BTBD8: variants seen among roughly 807,000 people sequenced by gnomAD.
BTBD8 encodes the protein BTB/POZ domain-containing protein 8.
A neutral mutation model predicts 162.9 loss-of-function variants in BTBD8; 110 were observed. The observed-to-expected ratio is 0.68, with a 90% CI of 0.58 to 0.79. BTBD8 has a LOEUF of 0.79. BTBD8 is among the 30% of genes least tolerant of loss of function. The probability of loss-of-function intolerance (pLI) is 0.00; values close to 1 mark genes in which losing one functional copy is unlikely to be tolerated. For synonymous variants in BTBD8, 667 were observed against 716.1 expected, an observed-to-expected ratio of 0.93 and a Z score of 1.10; for missense variants, 1,905 against 2,085.4, an observed-to-expected ratio of 0.91 and a Z score of 1.68.
Position 92,181,624 on chromosome 1 carries a change from A to G in BTBD8, c.3941A>G (p.Asp1314Gly). The change falls in exon 17 of 18, where the codon GAT becomes GGT. Residue 1314 changes from aspartate to glycine, a missense_variant. Asp to Gly is a moderately conservative substitution (Grantham distance 94, BLOSUM62 -1). This residue lies in a region of BTBD8 where 517 missense variants were observed against 606.6 expected (regional missense o/e 0.85). Transcript: ENST00000636805. ...TSTPEELKIY[D>G]SNLRIEVKMK... ...ACTCCTGAAGAATTAAAAATTTATG[A>G]TAGTAATTTAAGAATTGAAGTAAAA... 1.3e-6 allele frequency: 2 copies of G among 1,550,678 alleles called. No homozygotes were observed. Among genetic ancestry groups the G allele is most frequent in the Non-Finnish European group, 1.7e-6 (2 of 1,146,340 alleles).
chr1:92,117,608 A>G (rs1310890036), intron 4 of BTBD8, among the ~76,000 whole-genome samples: 3 of 152,094 alleles, frequency 2.0e-5, no homozygotes, highest in South Asian at 2.1e-4. Context: ...TACCTTATGC[A>G]CACTCAAATT....
At position 92,184,529 on chromosome 1, in the gene BTBD8, T is replaced by TAGAGA; in HGVS notation, c.*200_*201insGAGAA. The TAGAGA allele has an allele frequency of 2.5e-6, 1 of 405,804 alleles. No individual in the cohort carries two copies. Among genetic ancestry groups the TAGAGA allele is most frequent in the South Asian group, 6.0e-5 (1 of 16,576 alleles). The allele number at this position is 405,804 out of a possible 1,614,324, so 25.1% of individuals were successfully genotyped here. A position where few individuals can be genotyped will look rare whatever the true frequency, so the allele number is the denominator to read the frequency against. ...CTAAAGTTTTTGAGCATGTTTTCTC[T>TAGAGA]AATTATTAGAGAAATTAGAAGACTT... is the stretch of plus-strand genomic sequence containing the variant. On this transcript the variant is annotated 3_prime_UTR_variant, in exon 18 of 18. Coordinates refer to ENST00000636805, the MANE Select transcript of BTBD8 (RefSeq NM_001376131.1).
chr1:92,120,122 T>G (rs1320207097), intron 4 of BTBD8, among the ~76,000 whole-genome samples: 4 of 151,930 alleles, frequency 2.6e-5, no homozygotes, highest in African/African-American at 9.7e-5. Flanking sequence ...GAACTCCTGA[T>G]CTCAAGTGAT....
intron 9 of BTBD8, among the ~76,000 whole-genome samples, chr1:92,150,330 CAAGAT>C (rs1650017260): frequency 6.6e-6 from 1 of 151,944 alleles, no homozygotes. Context: ...TTAATAAAAA[CAAGAT>C]AAGTACCCAG....
intron 3 of BTBD8, among the ~76,000 whole-genome samples, chr1:92,103,191 C>T (rs142257765): frequency 1.8e-4 from 27 of 152,206 alleles, no homozygotes; most frequent in African/African-American, 6.0e-4. Flanking sequence ...TGATGGAACT[C>T]ATTTTTTCAA....
In BTBD8 at chr1:92,124,418, T is replaced by G. The variant is rs765874035; in HGVS notation, c.663-5269T>G. Among the ~76,000 whole-genome samples the G allele has an allele frequency of 5.3e-4, 81 of 152,330 alleles. 1 individual carries two copies. Among genetic ancestry groups the G allele is most frequent in the Non-Finnish European group, 8.8e-4 (60 of 68,034 alleles). The stretch of plus-strand genomic sequence containing the variant: ...TTCATTGGAATATAATATTGTTCCG[T>G]GTATCTCATTTACTGCTGTACTCCC... On this transcript the variant is annotated intron_variant, in intron 4 of 17. Coordinates refer to ENST00000636805, the MANE Select transcript of BTBD8 (RefSeq NM_001376131.1).
intron 4 of BTBD8, among the ~76,000 whole-genome samples, chr1:92,122,147 T>C (rs1649226657): frequency 6.6e-6 from 1 of 152,224 alleles, no homozygotes; most frequent in Non-Finnish European, 1.5e-5. Context: ...GTATCAGTGA[T>C]TGATTCAATT....
chr1:92,163,357 A>C (rs1650312249), intron 9 of BTBD8, among the ~76,000 whole-genome samples: 2 of 68,436 alleles, frequency 2.9e-5, no homozygotes, highest in East Asian at 1.4e-3. Context: ...TCTGTCTCAA[A>C]AAAAAAAAAA....
intron 12 of BTBD8, among the ~76,000 whole-genome samples, chr1:92,169,878 G>C (rs1008637863): frequency 2.0e-5 from 3 of 152,106 alleles, no homozygotes; most frequent in Admixed American, 2.0e-4. Context: ...GTGATATGAA[G>C]AGCACTTTTC....
At chr1:92,168,161 A>T (rs1343809773) in intron 11 of BTBD8, among the ~76,000 whole-genome samples, 176 bp downstream of exon 11, 1 of 152,220 alleles carries the variant, frequency 6.6e-6, no homozygotes, top group Non-Finnish European at 1.5e-5. Flanking sequence ...AAATTTTAAA[A>T]ATTCCGTTTG....
chr1:92,148,323 A>G (rs548469577), intron 9 of BTBD8, among the ~76,000 whole-genome samples: 18 of 152,338 alleles, frequency 1.2e-4, no homozygotes, highest in South Asian at 4.2e-4. Context: ...ATCCATTATC[A>G]TGATATTCCA....
intron 13 of BTBD8, among the ~76,000 whole-genome samples, chr1:92,172,203 T>C (rs886254868): frequency 3.9e-5 from 6 of 152,212 alleles, no homozygotes; most frequent in African/African-American, 1.4e-4. Flanking sequence ...TGGTATACTT[T>C]TATGAGGTAT....
At chr1:92,139,276 T>G in intron 5 of BTBD8, 74 bp from the exon 6 acceptor site, 1 of 1,474,984 alleles carries the variant, frequency 6.8e-7, no homozygotes, top group East Asian at 2.5e-5. Flanking sequence ...GCTCGAAGTT[T>G]ATGGGAAAAT....
intron 9 of BTBD8, among the ~76,000 whole-genome samples, chr1:92,164,271 G>A (rs1286380893): frequency 1.3e-5 from 2 of 152,142 alleles, no homozygotes; most frequent in Non-Finnish European, 2.9e-5. Flanking sequence ...AGGATCAGTT[G>A]AAGCCAAGAG....
chr1:92,125,565 C>G (rs762269917), intron 4 of BTBD8: 6 of 271,354 alleles, frequency 2.2e-5, no homozygotes, highest in Admixed American at 4.5e-5. Flanking sequence ...CTCCACCCAA[C>G]CCAGTGGTTA....
intron 5 of BTBD8, among the ~76,000 whole-genome samples, chr1:92,133,395 T>C (rs1476091385): frequency 6.6e-6 from 1 of 152,210 alleles, no homozygotes; most frequent in East Asian, 1.9e-4. Flanking sequence ...ATTAGATTGT[T>C]GTCATTTTCT....
chr1:92,147,391 AG>A, intron 8 of BTBD8, 123 bp downstream of exon 8: 1 of 746,548 alleles, frequency 1.3e-6, no homozygotes, highest in Non-Finnish European at 2.2e-6. Context: ...TAAGTAGCTT[AG>A]TGCTAAACTA....
rs1208662376 is a variant in BTBD8 at position 92,180,789 on chromosome 1, A to G, written c.3106A>G (p.Lys1036Glu). 28 of 1,551,604 alleles carry G rather than the reference A, an allele frequency of 1.8e-5. No individual in the cohort carries two copies. Among genetic ancestry groups the G allele is most frequent in the Non-Finnish European group, 2.4e-5 (27 of 1,147,002 alleles). ...ATGCCAAAATATTTCAAAGCTGGATAAATCATTAAAACACGAACTGGAATC... is the reference window on the plus strand; with the variant it reads ...ATGCCAAAATATTTCAAAGCTGGATGAATCATTAAAACACGAACTGGAATC... ...LECQNISKLD[K>E]SLKHELESKQ... is the part of the protein sequence containing the mutation. Residue 1036 changes from lysine to glutamate, a missense_variant, in exon 17 of 18, where the codon AAA (lysine) becomes GAA (glutamate). Physicochemically the swap from Lys to Glu is moderately conservative, Grantham distance 56. This residue lies in a region of BTBD8 where 1,374 missense variants were observed against 1,442.7 expected (regional missense o/e 0.95). Transcript: ENST00000636805.
chr1:92,171,717 C>T (rs1287026526), intron 13 of BTBD8, among the ~76,000 whole-genome samples: 1 of 152,194 alleles, frequency 6.6e-6, no homozygotes, highest in Non-Finnish European at 1.5e-5. Flanking sequence ...CGTATTAGAG[C>T]TATTTCAGTC....
Sources: allele counts gnomAD v4.1 joint callset (sites outside exome capture counted in the v4.1 genomes callset), GRCh38; gene constraint gnomAD v4.1.1; regional missense constraint gnomAD v4.1.1; transcripts MANE v1.5; gene names NCBI Gene and HGNC (gene_info 2026-07-23, HGNC 2026-07-21).